AK9: variants seen among roughly 807,000 people sequenced by gnomAD.
AK9 encodes the protein adenylate kinase domain containing 1.
A neutral mutation model predicts 239.6 loss-of-function variants in AK9; 191 were observed. The observed-to-expected ratio is 0.80, with a 90% CI of 0.71 to 0.90. AK9 has a LOEUF of 0.90. AK9 is among the 40% of genes least tolerant of loss of function. The pLI is 0.00. For synonymous variants in AK9, 689 were observed against 721.0 expected (o/e 0.96, Z 0.71); for missense variants, 1,995 against 2,214.7 (o/e 0.90, Z 1.99).
Position 109,659,259 on chromosome 6 carries a change from T to A in AK9, c.599A>T (p.Glu200Val), listed in dbSNP as rs1468476580. 1.3e-6 allele frequency: 2 copies of A among 1,595,880 alleles called. No individual in the cohort carries two copies. Among genetic ancestry groups the A allele is most frequent in the South Asian group, 1.1e-5 (1 of 88,214 alleles). The change falls in exon 7 of 41, where the codon GAA becomes GTA. Residue 200 changes from glutamate to valine, a missense_variant. Glu to Val is a moderately radical substitution (Grantham distance 121). This residue lies in a region of AK9 where 252 missense variants were observed against 246.4 expected (regional missense o/e 1.02). Coordinates refer to ENST00000424296, the MANE Select transcript of AK9 (RefSeq NM_001145128.3). ...EAQKDGKGEEEEEEEEQEEEE... is the reference protein window; with the variant it reads ...EAQKDGKGEEVEEEEEQEEEE... ...TTCTTCTTGCTCTTCTTCCTCTTCT[T>A]CCTCTTCTCCTTTTCCGTCCTTTTG...
At chr6:109,680,534 G>T (rs1302985761) in intron 1 of AK9, among the ~76,000 whole-genome samples, 1 of 152,204 alleles carries the variant, frequency 6.6e-6, no homozygotes, top group African/African-American at 2.4e-5. Context: ...ACACTCTTCA[G>T]TACATTATCC....
At chr6:109,646,690 C>G (rs148415651) in intron 8 of AK9, among the ~76,000 whole-genome samples, 1 of 152,048 alleles carries the variant, frequency 6.6e-6, no homozygotes. Context: ...GGAAAACTTC[C>G]CCAACCTAGC....
intron 1 of AK9, among the ~76,000 whole-genome samples, chr6:109,679,521 G>C (rs956275292): frequency 1.3e-5 from 2 of 152,056 alleles, no homozygotes; most frequent in Admixed American, 6.6e-5. Context: ...GTGGCTGTGC[G>C]CACAGCTTCA....
chr6:109,592,291 G>C (rs1029236180), intron 17 of AK9, among the ~76,000 whole-genome samples: 2 of 152,126 alleles, frequency 1.3e-5, no homozygotes, highest in Non-Finnish European at 2.9e-5. Context: ...TCATGGCAAA[G>C]TTATCTCAGG....
intron 12 of AK9, among the ~76,000 whole-genome samples, chr6:109,627,248 C>T (rs1410376929): frequency 7.0e-6 from 1 of 141,928 alleles, no homozygotes; most frequent in African/African-American, 2.6e-5. Flanking sequence ...GGGACAAGAA[C>T]ATGCATGGAG....
intron 10 of AK9, among the ~76,000 whole-genome samples, chr6:109,641,157 A>G (rs1797375198): frequency 6.8e-6 from 1 of 147,700 alleles, no homozygotes; most frequent in Non-Finnish European, 1.5e-5. Context: ...ATATATATAT[A>G]TACATTTTTA....
At chr6:109,676,305 AT>A (rs1475111111) in intron 1 of AK9, among the ~76,000 whole-genome samples, 1 of 152,046 alleles carries the variant, frequency 6.6e-6, no homozygotes, top group African/African-American at 2.4e-5. Context: ...ACCTTTTGCT[AT>A]TTTGATTTGC....
intron 24 of AK9, among the ~76,000 whole-genome samples, chr6:109,560,981 T>C (rs9386816): frequency 0.58 from 88,434 of 151,902 alleles, 27,436 homozygotes; most frequent in South Asian, 0.84. Context: ...TTTTTTGAGA[T>C]AGAGTCTCAC....
At chr6:109,514,500 C>A in intron 31 of AK9, 63 bp from the exon 32 acceptor site, 16 of 1,343,938 alleles carry the variant, frequency 1.2e-5, no homozygotes, top group South Asian at 7.8e-5. Flanking sequence ...TTCCCTGAAA[C>A]ATATTTGAAA....
chr6:109,674,319 G>T, intron 2 of AK9, 58 bp from the exon 3 acceptor site: 1 of 1,220,824 alleles, frequency 8.2e-7, no homozygotes, highest in Non-Finnish European at 1.1e-6. Context: ...CAGTGACACA[G>T]ATACAGCAAT....
rs3060798 is a variant in AK9, at chr6:109,632,862, CATAGATAGATAGATAG to C, written c.1254+45_1254+60del. 47 of 1,254,198 alleles carry C rather than the reference CATAGATAGATAGATAG, an allele frequency of 3.7e-5. No individual in the cohort carries two copies. In the South Asian group the frequency reaches 5.7e-4, roughly 15 times the overall value. The allele number at this position is 1,254,198 out of a possible 1,614,324, so 77.7% of individuals were successfully genotyped here. A position where few individuals can be genotyped will look rare whatever the true frequency, so the allele number is the denominator to read the frequency against. ...CGAGTATAGATACATGACAGATAGA[CATAGATAGATAGATAG>C]ATAGATAGATAGATAGATAGATAGA... On this transcript the variant is annotated intron_variant, in intron 12 of 40. Transcript: ENST00000424296.
intron 10 of AK9, among the ~76,000 whole-genome samples, chr6:109,640,221 C>T (rs919187661): frequency 4.6e-5 from 7 of 152,186 alleles, no homozygotes; most frequent in South Asian, 2.1e-4. Context: ...GCTCCATGGG[C>T]GTGGGACCTG....
chr6:109,516,984 T>A (rs1161603512), intron 29 of AK9, among the ~76,000 whole-genome samples: 1 of 152,196 alleles, frequency 6.6e-6, no homozygotes, highest in Non-Finnish European at 1.5e-5. Flanking sequence ...GCTTGCAACT[T>A]CTGCGTTCCT....
At chr6:109,689,217 A>G (rs887917377) in intron 1 of AK9, among the ~76,000 whole-genome samples, 1 of 152,120 alleles carries the variant, frequency 6.6e-6, no homozygotes. Flanking sequence ...TTTTCTTTTA[A>G]AAATTGAGAC....
intron 32 of AK9, among the ~76,000 whole-genome samples, chr6:109,512,819 T>C (rs1778891527): frequency 6.6e-6 from 1 of 152,232 alleles, no homozygotes; most frequent in Non-Finnish European, 1.5e-5. Flanking sequence ...TACAGGAATA[T>C]AGTTTATCAA....
At chr6:109,690,660 T>C (rs1001076941) in intron 1 of AK9, 1 of 152,202 alleles carries the variant, frequency 6.6e-6, no homozygotes, top group Non-Finnish European at 1.5e-5. Flanking sequence ...TGTACCTAAT[T>C]TGGCATTTAT....
chr6:109,500,854 C>CA (rs1160321916), intron 35 of AK9, among the ~76,000 whole-genome samples: 3 of 151,958 alleles, frequency 2.0e-5, no homozygotes, highest in African/African-American at 7.3e-5. Context: ...CCTGTCTCTA[C>CA]AAAAAATACA....
chr6:109,687,011 G>C (rs148002890), intron 1 of AK9, among the ~76,000 whole-genome samples: 181 of 152,282 alleles, frequency 1.2e-3, no homozygotes, highest in African/African-American at 4.1e-3. Flanking sequence ...CACCTCATGT[G>C]GAATTCCCTA....
At chr6:109,613,382 T>A (rs1365215947) in intron 15 of AK9, among the ~76,000 whole-genome samples, 1 of 151,530 alleles carries the variant, frequency 6.6e-6, no homozygotes, top group Non-Finnish European at 1.5e-5. Flanking sequence ...AAAGAAGAAA[T>A]ATAAATGGTT....
Sources: allele counts gnomAD v4.1 joint callset (sites outside exome capture counted in the v4.1 genomes callset), GRCh38; gene constraint gnomAD v4.1.1; regional missense constraint gnomAD v4.1.1; transcripts MANE v1.5; gene names NCBI Gene and HGNC (gene_info 2026-07-23, HGNC 2026-07-21).